TMEM165: variants seen among roughly 807,000 people sequenced by gnomAD.
TMEM165 encodes the protein transmembrane protein 165.
Under a neutral mutation model 30.0 loss-of-function variants are expected in TMEM165, and 19 were observed. The observed-to-expected ratio is 0.63, with a 90% CI of 0.44 to 0.93. The LOEUF is 0.93. TMEM165 is among the 40% of genes least tolerant of loss of function. The pLI is 0.00. For missense variants in TMEM165, 340 were observed against 417.0 expected (o/e 0.82, Z 1.61); for synonymous variants, 168 against 162.9 (o/e 1.03, Z -0.24).
intron 3 of TMEM165, among the ~76,000 whole-genome samples, chr4:55,441,940 C>T (rs1274611140): frequency 1.3e-5 from 2 of 152,162 alleles, no homozygotes; most frequent in East Asian, 1.9e-4. Flanking sequence ...AGCTATAGAT[C>T]CCTTGGCTAA....
intron 3 of TMEM165, among the ~76,000 whole-genome samples, chr4:55,451,980 C>T (rs1724498738): frequency 6.6e-6 from 1 of 152,100 alleles, no homozygotes; most frequent in Non-Finnish European, 1.5e-5. Context: ...GGAATGCTGC[C>T]TATTTAACTC....
At chr4:55,419,999 G>A (rs543605085) in intron 4 of TMEM165, among the ~76,000 whole-genome samples, 54 of 150,218 alleles carry the variant, frequency 3.6e-4, no homozygotes, top group African/African-American at 1.3e-3. Flanking sequence ...GAGAGGCTGA[G>A]GCAGGAGAAT....
At chr4:55,403,605 C>T (rs1463627766) in intron 1 of TMEM165, among the ~76,000 whole-genome samples, 1 of 145,010 alleles carries the variant, frequency 6.9e-6, no homozygotes, top group Admixed American at 7.2e-5. Flanking sequence ...TAATCCTGCT[C>T]TCAAGATGTA....
At chr4:55,403,790 G>T (rs567181642) in intron 1 of TMEM165, among the ~76,000 whole-genome samples, 1 of 152,112 alleles carries the variant, frequency 6.6e-6, no homozygotes, top group Admixed American at 6.5e-5. Flanking sequence ...ATTCTTCTGT[G>T]CCTGTACTGT....
At chr4:55,400,186 T>A (rs868746868) in intron 1 of TMEM165, among the ~76,000 whole-genome samples, 26 of 109,038 alleles carry the variant, frequency 2.4e-4, no homozygotes, top group African/African-American at 1.1e-3. Context: ...ATATAAAAAA[T>A]AATATATAAA....
intron 3 of TMEM165, among the ~76,000 whole-genome samples, chr4:55,445,582 C>CTTTTTTTTTTTTCTTTTTTTTTTTT (rs1723749556): frequency 1.5e-5 from 1 of 68,574 alleles, no homozygotes; most frequent in African/African-American, 5.4e-5. Flanking sequence ...TTTCTATATT[C>CTTTTTTTTTTTTCTTTTTTTTTTTT]TTTTTTTTTT....
chr4:55,396,334 C>T lies in TMEM165; in HGVS notation c.145C>T (p.Pro49Ser), dbSNP rs1196875723. ...CCACCGGAACAAAGAACCGCCGGCG[C>T]CGGCCCAGCAGCTGCAGCCGCAGCC... ...LSHRNKEPPAPAQQLQPQPVA... is the reference protein window; with the variant it reads ...LSHRNKEPPASAQQLQPQPVA... The change falls in exon 1 of 6, where the codon CCG becomes TCG. Residue 49 changes from proline to serine, a missense_variant. By Grantham distance (74) the Pro-to-Ser change is moderately conservative. Transcript: ENST00000381334. 6 of 1,517,320 alleles carry T rather than the reference C, an allele frequency of 4.0e-6. No homozygotes were observed. Among genetic ancestry groups the T allele is most frequent in the Non-Finnish European group, 2.6e-6 (3 of 1,137,704 alleles). The allele number at this position is 1,517,320 out of a possible 1,614,324, so 94.0% of individuals were successfully genotyped here.
Position 55,402,173 on chromosome 4 carries a change from T to A in TMEM165, c.207+5777T>A, listed in dbSNP as rs192541720. On this transcript the variant is annotated intron_variant, in intron 1 of 5. Transcript: ENST00000381334. ...AATAAATTTCAAGTGCATAAATACA[T>A]TACAAAACAACATTCATAAAAATAA... Among the ~76,000 whole-genome samples, 617 of 144,364 alleles carry A rather than the reference T, an allele frequency of 4.3e-3. 56 individuals carry two copies. Among genetic ancestry groups the A allele is most frequent in the African/African-American group, 0.016 (592 of 37,112 alleles). The allele number at this position is 144,364 out of a possible 152,430, so 94.7% of individuals were successfully genotyped here. A position where few individuals can be genotyped will look rare whatever the true frequency, so the allele number is the denominator to read the frequency against.
chr4:55,412,904 T>C (rs1190949817), intron 2 of TMEM165, among the ~76,000 whole-genome samples: 1 of 152,110 alleles, frequency 6.6e-6, no homozygotes, highest in South Asian at 2.1e-4. Flanking sequence ...AAATATATTA[T>C]AAATTTAAAT....
intron 1 of TMEM165, chr4:55,403,181 A>G (rs1721105078): frequency 9.3e-7 from 1 of 1,072,988 alleles, no homozygotes; most frequent in Non-Finnish European, 1.3e-6. Flanking sequence ...TCTTCAGATA[A>G]TCTCACCTCT....
At chr4:55,398,494 C>T (rs972470586) in intron 1 of TMEM165, among the ~76,000 whole-genome samples, 1 of 152,224 alleles carries the variant, frequency 6.6e-6, no homozygotes, top group South Asian at 2.1e-4. Flanking sequence ...GTGTCTTACT[C>T]TTTTGACTTA....
intron 1 of TMEM165, among the ~76,000 whole-genome samples, chr4:55,399,406 G>A (rs567893151): frequency 1.3e-4 from 20 of 152,132 alleles, no homozygotes; most frequent in Non-Finnish European, 2.6e-4. Context: ...GAACTGAAAC[G>A]CTGATTGATG....
rs781280352 is a variant in TMEM165, at chr4:55,424,588, G to A, written c.843G>A (p.Thr281=). The change falls in exon 5 of 6, where the codon ACG becomes ACA. Residue 281 remains threonine, a synonymous_variant. Coordinates refer to ENST00000381334, the MANE Select transcript of TMEM165 (RefSeq NM_018475.5). The stretch of plus-strand genomic sequence containing the variant: ...GAACTGTGGGGCACTGCCTGTGCAC[G>A]GGATTGGCAGTAATTGGAGGAAGAA... ...VGGTVGHCLC[T]GLAVIGGRMI... is the part of the protein sequence containing the mutation. 12 of 1,613,802 alleles carry A rather than the reference G, an allele frequency of 7.4e-6. No homozygotes were observed. The highest frequency in any genetic ancestry group is 1.3e-5 in the African/African-American group (1 of 74,898).
chr4:55,438,585 T>C, intron 3 of TMEM165: 1 of 1,611,618 alleles, frequency 6.2e-7, no homozygotes, highest in South Asian at 1.1e-5. Flanking sequence ...GTACAAGGTA[T>C]ACATCATAAA....
intron 1 of TMEM165, among the ~76,000 whole-genome samples, chr4:55,396,635 C>A (rs10155441): frequency 6.6e-6 from 1 of 152,150 alleles, no homozygotes; most frequent in African/African-American, 2.4e-5. Flanking sequence ...ACGTTGATCT[C>A]CGGAGGGCCA....
intron 1 of TMEM165, among the ~76,000 whole-genome samples, chr4:55,401,838 C>T (rs1307572652): frequency 6.7e-6 from 1 of 149,918 alleles, no homozygotes; most frequent in Non-Finnish European, 1.5e-5. Flanking sequence ...CAATGAAGGC[C>T]GGGCGCAGTG....
intron 3 of TMEM165, chr4:55,432,709 T>A (rs1431616205): frequency 6.6e-6 from 1 of 152,118 alleles, no homozygotes; most frequent in East Asian, 1.9e-4. Context: ...TGGTGCTTAC[T>A]ACCTCTTCCA....
downstream of TMEM165, among the ~76,000 whole-genome samples, chr4:55,427,053 T>TGA (rs1553887609): frequency 0.041 from 5,831 of 143,782 alleles, 170 homozygotes; most frequent in Non-Finnish European, 0.055. Context: ...TTTTTTTTTT[T>TGA]GAGAGAGTCT....
intron 3 of TMEM165, among the ~76,000 whole-genome samples, chr4:55,440,736 A>G (rs916450204): frequency 1.3e-5 from 2 of 152,230 alleles, no homozygotes; most frequent in African/African-American, 4.8e-5. Context: ...GCTCACTGGT[A>G]AATGTGATAA....
Sources: gnomAD v4.1 joint callset for allele counts (sites outside exome capture counted in the v4.1 genomes callset) on GRCh38, gnomAD v4.1.1 for gene constraint, MANE v1.5 for transcripts, NCBI Gene and HGNC (gene_info 2026-07-23, HGNC 2026-07-21) for gene names.